The following SYNDIG1 variants were observed in gnomAD, a reference collection of about 807,000 sequenced individuals.
SYNDIG1 encodes synapse differentiation inducing 1.
SYNDIG1 carries 9 observed loss-of-function variants against 19.4 expected under a neutral mutation model. The observed-to-expected ratio is 0.46, with a 90% CI of 0.28 to 0.81. The LOEUF (loss-of-function observed/expected upper bound fraction) is 0.81. Ranked by LOEUF, SYNDIG1 falls within the 30% of genes least tolerant of loss-of-function variation. SYNDIG1 has a pLI of 0.12. For synonymous variants in SYNDIG1, 141 were observed against 145.9 expected (o/e 0.97, Z 0.24); for missense variants, 311 against 343.3 (o/e 0.91, Z 0.74).
At chr20:24,498,053 C>T (rs2056344918) in intron 1 of SYNDIG1, among the ~76,000 whole-genome samples, 1 of 152,236 alleles carries the variant, frequency 6.6e-6, no homozygotes, top group African/African-American at 2.4e-5. Flanking sequence ...TCACAGCCCT[C>T]ATTCCAGGGT....
At chr20:24,629,273 G>T (rs542964467) in intron 3 of SYNDIG1, among the ~76,000 whole-genome samples, 1 of 152,132 alleles carries the variant, frequency 6.6e-6, no homozygotes, top group Non-Finnish European at 1.5e-5. Flanking sequence ...ACAGTGAGGC[G>T]AGTGTGCCTC....
intron 2 of SYNDIG1, among the ~76,000 whole-genome samples, chr20:24,559,144 G>T (rs933095682): frequency 6.6e-6 from 1 of 151,788 alleles, no homozygotes; most frequent in Non-Finnish European, 1.5e-5. Context: ...TATACACAAT[G>T]GAATACTCTT....
chr20:24,609,951 C>T (rs1241764665), intron 3 of SYNDIG1, among the ~76,000 whole-genome samples: 3 of 152,116 alleles, frequency 2.0e-5, no homozygotes, highest in Non-Finnish European at 4.4e-5. Context: ...GTTCCCAGGC[C>T]CATCCCACGT....
At chr20:24,491,948 A>G (rs1458944074) in intron 1 of SYNDIG1, among the ~76,000 whole-genome samples, 2 of 152,238 alleles carry the variant, frequency 1.3e-5, no homozygotes, top group East Asian at 1.9e-4. Context: ...ACCATAAAAA[A>G]TACAAGAACA....
rs910880335 is a variant in SYNDIG1 at position 24,576,656 on chromosome 20, A to G, written c.481-8200A>G. On this transcript the variant is annotated intron_variant, in intron 2 of 3. Coordinates refer to ENST00000376862, the MANE Select transcript of SYNDIG1 (RefSeq NM_024893.3). ...GGAGTCACAGACATGAACTCTACCCATGTGCTAAATAGTAATGACCACCCC... is the reference window on the plus strand; with the variant it reads ...GGAGTCACAGACATGAACTCTACCCGTGTGCTAAATAGTAATGACCACCCC... 2.6e-5 allele frequency among the ~76,000 whole-genome samples: 4 copies of G among 152,110 alleles called. No homozygotes were observed. The South Asian group carries it at 6.2e-4, about 24-fold the overall frequency.
Position 24,665,570 on chromosome 20 carries a change from A to C in SYNDIG1, c.*66A>C. The C allele has an allele frequency of 3.1e-6, 5 of 1,602,796 alleles. No homozygotes were observed. The highest frequency in any genetic ancestry group is 3.4e-6 in the Non-Finnish European group (4 of 1,174,334). Reference sequence around the variant, plus strand: ...GTGTGGACGTGGAGGAAGCAGGCATACCGCATGATGCTGTACAGTACAAAT... The same window carrying C: ...GTGTGGACGTGGAGGAAGCAGGCATCCCGCATGATGCTGTACAGTACAAAT... On this transcript the variant is annotated 3_prime_UTR_variant, in exon 4 of 4. Coordinates refer to ENST00000376862, the MANE Select transcript of SYNDIG1 (RefSeq NM_024893.3).
At chr20:24,504,771 G>T (rs1478764229) in intron 1 of SYNDIG1, among the ~76,000 whole-genome samples, 1 of 152,184 alleles carries the variant, frequency 6.6e-6, no homozygotes, top group Admixed American at 6.5e-5. Flanking sequence ...GCATATGCTG[G>T]CTCTCATGAG....
chr20:24,477,565 G>T (rs865917973), intron 1 of SYNDIG1, among the ~76,000 whole-genome samples: 14 of 152,262 alleles, frequency 9.2e-5, no homozygotes, highest in Middle Eastern at 3.4e-3. Flanking sequence ...GATGGTCTCT[G>T]GATCAGAGAG....
At chr20:24,663,029 CCA>C (rs1198343871) in intron 3 of SYNDIG1, among the ~76,000 whole-genome samples, 2 of 152,342 alleles carry the variant, frequency 1.3e-5, no homozygotes, top group African/African-American at 4.8e-5. Context: ...TGTTTCACAG[CCA>C]CAGTTATCCA....
chr20:24,635,115 G>T (rs1568706817), intron 3 of SYNDIG1, among the ~76,000 whole-genome samples: 1 of 152,208 alleles, frequency 6.6e-6, no homozygotes, highest in Admixed American at 6.5e-5. Context: ...CCAGCGGGAA[G>T]CCTCCAAGAC....
intron 3 of SYNDIG1, among the ~76,000 whole-genome samples, chr20:24,606,974 T>C (rs2058765370): frequency 6.6e-6 from 1 of 152,220 alleles, no homozygotes; most frequent in African/African-American, 2.4e-5. Flanking sequence ...ATAAGGAGTT[T>C]GCAAGAATCA....
intron 3 of SYNDIG1, among the ~76,000 whole-genome samples, chr20:24,628,197 G>A (rs1322291826): frequency 1.3e-5 from 2 of 152,118 alleles, no homozygotes; most frequent in African/African-American, 2.4e-5. Context: ...ATTAGCAACC[G>A]CTGCCAGGAA....
rs1249453305 is a variant in SYNDIG1, at chr20:24,584,389, TG to T, written c.481-465del. ...CTCGTAATACAAAGAAAAACGCGCC[TG>T]GACTATGCCTTCTGAGAGTCTCCAG... On this transcript the variant is annotated intron_variant, in intron 2 of 3. Transcript: ENST00000376862. 3.3e-5 allele frequency among the ~76,000 whole-genome samples: 5 copies of T among 152,242 alleles called. No individual in the cohort carries two copies. In the East Asian group the frequency reaches 9.6e-4, roughly 29 times the overall value.
In SYNDIG1 at chr20:24,503,956, G is replaced by GTTTTT. The variant is rs777270289; in HGVS notation, c.-79+34220_-79+34224dup. ...GATCCGTGGGATCCAGGGAGAGCAG[G>GTTTTT]TTTTTTTTTTTTTTTTTTTTTGAGA... is the stretch of plus-strand genomic sequence containing the variant. On this transcript the variant is annotated intron_variant, in intron 1 of 3. Transcript: ENST00000376862. Among the ~76,000 whole-genome samples, 152 of 125,272 alleles carry GTTTTT rather than the reference G, an allele frequency of 1.2e-3. 3 individuals carry two copies. Among genetic ancestry groups the GTTTTT allele is most frequent in the African/African-American group, 4.6e-3 (139 of 30,052 alleles). 82.2% of individuals were successfully genotyped at this position (125,272 alleles called of 152,430 possible).
intron 3 of SYNDIG1, among the ~76,000 whole-genome samples, chr20:24,655,421 G>A (rs1004488799): frequency 9.2e-5 from 14 of 152,128 alleles, no homozygotes; most frequent in African/African-American, 1.9e-4. Flanking sequence ...CCAAGAAAGC[G>A]AACTCTTCAT....
chr20:24,633,351 C>A (rs1034856361), intron 3 of SYNDIG1, among the ~76,000 whole-genome samples: 11 of 152,194 alleles, frequency 7.2e-5, no homozygotes, highest in Non-Finnish European at 1.0e-4. Context: ...GCCCGAAGGC[C>A]CACAGTGGAG....
chr20:24,611,845 G>T (rs1462085754), intron 3 of SYNDIG1, among the ~76,000 whole-genome samples: 1 of 152,202 alleles, frequency 6.6e-6, no homozygotes, highest in Non-Finnish European at 1.5e-5. Context: ...CCCTCTTGTT[G>T]TTACTGTCAG....
At chr20:24,501,090 T>TTGGG (rs2146380157) in intron 1 of SYNDIG1, among the ~76,000 whole-genome samples, 1 of 152,352 alleles carries the variant, frequency 6.6e-6, no homozygotes, top group East Asian at 1.9e-4. Flanking sequence ...AAAAGAAATC[T>TTGGG]ACCTATCTAT....
Position 24,508,218 on chromosome 20 carries a change from A to ATTTTTTTTTTTTT in SYNDIG1, c.-78-34786_-78-34774dup, listed in dbSNP as rs34436263. 4.1e-5 allele frequency among the ~76,000 whole-genome samples: 3 copies of ATTTTTTTTTTTTT among 73,208 alleles called. 1 individual carries two copies. Among genetic ancestry groups the ATTTTTTTTTTTTT allele is most frequent in the Admixed American group, 5.1e-4 (2 of 3,952 alleles). 48.0% of individuals were successfully genotyped at this position (73,208 alleles called of 152,430 possible). A position where few individuals can be genotyped will look rare whatever the true frequency, so the allele number is the denominator to read the frequency against. On this transcript the variant is annotated intron_variant, in intron 1 of 3. Coordinates refer to ENST00000376862, the MANE Select transcript of SYNDIG1 (RefSeq NM_024893.3). The stretch of plus-strand genomic sequence containing the variant: ...TGGAAAATTAAAATTAAGGAGGATA[A>ATTTTTTTTTTTTT]TTTTTTTTTTTTTTTTTTTTTTTTT...
Sources: allele counts gnomAD v4.1 joint callset (sites outside exome capture counted in the v4.1 genomes callset), GRCh38; gene constraint gnomAD v4.1.1; transcripts MANE v1.5; gene names NCBI Gene and HGNC (gene_info 2026-07-23, HGNC 2026-07-21).